PKIB: variants seen among roughly 807,000 people sequenced by gnomAD.
PKIB encodes cAMP-dependent protein kinase inhibitor beta.
In PKIB, 2 loss-of-function variants were observed where a neutral mutation model predicts 4.5. The observed-to-expected ratio is 0.44, with a 90% confidence interval of 0.18 to 1.39. PKIB has a LOEUF of 1.39. PKIB is among the 40% of genes most tolerant of loss of function. The probability of loss-of-function intolerance (pLI) is 0.27; values close to 1 mark genes in which losing one functional copy is unlikely to be tolerated. For missense variants in PKIB, 94 were observed against 92.6 expected, an observed-to-expected ratio of 1.02 and a Z score of -0.06; for synonymous variants, 38 against 36.0, an observed-to-expected ratio of 1.06 and a Z score of -0.20.
intron 1 of PKIB, among the ~76,000 whole-genome samples, chr6:122,632,446 G>C (rs1010584263): frequency 2.1e-4 from 32 of 152,262 alleles, no homozygotes; most frequent in African/African-American, 7.2e-4. Flanking sequence ...TGAGTGAAAG[G>C]GCGTCTGGTT....
intron 2 of PKIB, among the ~76,000 whole-genome samples, chr6:122,514,158 C>T (rs963781984): frequency 6.6e-6 from 1 of 152,138 alleles, no homozygotes; most frequent in Non-Finnish European, 1.5e-5. Flanking sequence ...TTCTCTTATT[C>T]AGGAAAATGG....
At chr6:122,707,015 G>C (rs1420792201) in intron 3 of PKIB, among the ~76,000 whole-genome samples, 1 of 151,584 alleles carries the variant, frequency 6.6e-6, no homozygotes, top group African/African-American at 2.4e-5. Flanking sequence ...AACTTATATA[G>C]TACTAAAGGA....
chr6:122,508,207 T>C (rs1279725705), intron 2 of PKIB, among the ~76,000 whole-genome samples: 1 of 152,214 alleles, frequency 6.6e-6, no homozygotes, highest in East Asian at 1.9e-4. Flanking sequence ...TTTATATGTG[T>C]TGTAGTCTTG....
At chr6:122,712,122 T>C (rs893907274) in intron 3 of PKIB, among the ~76,000 whole-genome samples, 2 of 152,208 alleles carry the variant, frequency 1.3e-5, no homozygotes, top group Non-Finnish European at 2.9e-5. Context: ...ATAGGAGATA[T>C]GTAAAGCATT....
intron 2 of PKIB, among the ~76,000 whole-genome samples, chr6:122,670,237 A>G (rs1235664396): frequency 2.0e-5 from 3 of 152,132 alleles, no homozygotes; most frequent in Admixed American, 2.0e-4. Context: ...ATGACCTAGC[A>G]GCATGGAAAG....
intron 2 of PKIB, among the ~76,000 whole-genome samples, chr6:122,570,146 A>G (rs1465782004): frequency 2.6e-5 from 4 of 152,202 alleles, no homozygotes; most frequent in African/African-American, 4.8e-5. Context: ...TACTTAGAAT[A>G]TCAACATTCT....
At chr6:122,500,460 C>A (rs146208950) in intron 2 of PKIB, among the ~76,000 whole-genome samples, 37 of 152,264 alleles carry the variant, frequency 2.4e-4, no homozygotes, top group African/African-American at 8.7e-4. Context: ...GCACAAAAAA[C>A]AATTTCCTTT....
At chr6:122,542,341 T>C (rs562018726) in intron 2 of PKIB, among the ~76,000 whole-genome samples, 1 of 152,186 alleles carries the variant, frequency 6.6e-6, no homozygotes, top group Non-Finnish European at 1.5e-5. Flanking sequence ...TTGATGATGG[T>C]GACACACAGA....
chr6:122,563,880 C>T (rs1773104620), intron 2 of PKIB, among the ~76,000 whole-genome samples: 1 of 152,124 alleles, frequency 6.6e-6, no homozygotes, highest in Admixed American at 6.5e-5. Flanking sequence ...CTCCCGCCTC[C>T]CAGCTGTGAG....
At chr6:122,503,821 T>G (rs1205066903) in intron 2 of PKIB, among the ~76,000 whole-genome samples, 2 of 152,100 alleles carry the variant, frequency 1.3e-5, no homozygotes, top group African/African-American at 2.4e-5. Context: ...CCAAATAAAC[T>G]GGGGACTCTG....
At chr6:122,708,985 A>G (rs1256663408) in intron 3 of PKIB, among the ~76,000 whole-genome samples, 1 of 152,184 alleles carries the variant, frequency 6.6e-6, no homozygotes, top group East Asian at 1.9e-4. Context: ...CTCTAGAGCC[A>G]CGTCAACACT....
chr6:122,520,661 T>TTTTC, intron 2 of PKIB, among the ~76,000 whole-genome samples: 1 of 55,532 alleles, frequency 1.8e-5, no homozygotes, highest in Non-Finnish European at 3.8e-5. Context: ...AAGTTTATGT[T>TTTTC]CCCACCCCCC....
At chr6:122,605,053 T>C (rs1359807933) in intron 3 of PKIB, among the ~76,000 whole-genome samples, 1 of 152,222 alleles carries the variant, frequency 6.6e-6, no homozygotes, top group Non-Finnish European at 1.5e-5. Context: ...CTTTCTGCTA[T>C]ACAAAAGGAG....
At position 122,572,609 on chromosome 6, in the gene PKIB, G is replaced by GA. The variant is rs571236526; in HGVS notation, c.-247-13302dup. On this transcript the variant is annotated intron_variant, in intron 2 of 6. Coordinates refer to the PKIB transcript ENST00000392491. ...AAAGCAAATCCAAATGTAGCAGAAG[G>GA]AAAAAAAAAACAAAGATCAGAGCAG... Among the ~76,000 whole-genome samples the GA allele has an allele frequency of 6.0e-3, 540 of 90,396 alleles. 1 individual carries two copies. Among genetic ancestry groups the GA allele is most frequent in the African/African-American group, 0.018 (449 of 24,686 alleles). The allele number at this position is 90,396 out of a possible 152,430, so 59.3% of individuals were successfully genotyped here. A position where few individuals can be genotyped will look rare whatever the true frequency, so the allele number is the denominator to read the frequency against.
intron 3 of PKIB, among the ~76,000 whole-genome samples, chr6:122,680,188 G>C (rs1359461674): frequency 2.0e-5 from 3 of 152,200 alleles, no homozygotes; most frequent in African/African-American, 7.2e-5. Context: ...GAATACATAG[G>C]AGCCTTCAGA....
intron 3 of PKIB, among the ~76,000 whole-genome samples, chr6:122,594,850 T>C (rs1426944184): frequency 2.0e-5 from 3 of 152,188 alleles, no homozygotes; most frequent in East Asian, 3.9e-4. Context: ...ATTCCATGCG[T>C]ACATTTCTTT....
At chr6:122,604,903 T>C (rs1173982668) in intron 3 of PKIB, among the ~76,000 whole-genome samples, 1 of 152,210 alleles carries the variant, frequency 6.6e-6, no homozygotes, top group East Asian at 1.9e-4. Flanking sequence ...AAATTTCTAT[T>C]TTAAATACTG....
intron 3 of PKIB, among the ~76,000 whole-genome samples, chr6:122,685,551 A>G (rs2114985180): frequency 6.6e-6 from 1 of 152,238 alleles, no homozygotes; most frequent in African/African-American, 2.4e-5. Flanking sequence ...GTGGGTACAT[A>G]GTAGGTGTAT....
intron 1 of PKIB, among the ~76,000 whole-genome samples, chr6:122,622,079 T>G (rs1775254617): frequency 6.6e-6 from 1 of 152,138 alleles, no homozygotes; most frequent in Admixed American, 6.5e-5. Context: ...AAAGTGTGGG[T>G]TTAACTGTGG....
Sources: allele counts gnomAD v4.1 joint callset (sites outside exome capture counted in the v4.1 genomes callset), GRCh38; gene constraint gnomAD v4.1.1; transcripts MANE v1.5; gene names NCBI Gene and HGNC (gene_info 2026-07-23, HGNC 2026-07-21).